PRKG1: variants seen among roughly 807,000 people sequenced by gnomAD.
PRKG1 encodes the protein cGMP-dependent protein kinase 1.
A neutral mutation model predicts 88.1 loss-of-function variants in PRKG1; 35 were observed. The observed-to-expected ratio is 0.40, with a 90% CI of 0.30 to 0.53. The LOEUF (loss-of-function observed/expected upper bound fraction) is 0.53. PRKG1 is among the 20% of genes least tolerant of loss of function. PRKG1 has a pLI of 0.59. For missense variants in PRKG1, 540 were observed against 839.8 expected (o/e 0.64, Z 4.41); for synonymous variants, 303 against 292.5 (o/e 1.04, Z -0.37).
At chr10:51,708,914 G>A (rs1171606115) in intron 3 of PRKG1, among the ~76,000 whole-genome samples, 2 of 152,042 alleles carry the variant, frequency 1.3e-5, no homozygotes, top group Non-Finnish European at 1.5e-5. Context: ...AGCCATACTG[G>A]TTACTGCTGA....
rs564334844 is a variant in PRKG1, at chr10:52,178,042, G to T, written c.1076+16079G>T. Among the ~76,000 whole-genome samples, 3 of 151,258 alleles carry T rather than the reference G, an allele frequency of 2.0e-5. No individual in the cohort carries two copies. In the South Asian group the frequency reaches 6.2e-4, roughly 31 times the overall value. ...ATTTCTTCCCTTCTACTAATTTGGG[G>T]TTTGGTTTGTTCTTGCCTTTCTAGT... On this transcript the variant is annotated intron_variant, in intron 9 of 17. Transcript: ENST00000373980.
intron 3 of PRKG1, among the ~76,000 whole-genome samples, chr10:51,710,549 C>T (rs1053898079): frequency 2.6e-5 from 4 of 152,166 alleles, no homozygotes; most frequent in Non-Finnish European, 5.9e-5. Context: ...ATGGATAGTA[C>T]ATTGTTGCCA....
At chr10:51,305,200 T>C (rs770608012) in intron 2 of PRKG1, among the ~76,000 whole-genome samples, 60 of 152,288 alleles carry the variant, frequency 3.9e-4, no homozygotes, top group Non-Finnish European at 7.8e-4. Context: ...ATGAGACTGC[T>C]ACCCTAGTTC....
intron 2 of PRKG1, among the ~76,000 whole-genome samples, chr10:51,392,111 A>T (rs1014188927): frequency 6.6e-6 from 1 of 152,104 alleles, no homozygotes; most frequent in South Asian, 2.1e-4. Flanking sequence ...CTTGGGTTCT[A>T]TGAACAGAAT....
At chr10:52,079,959 A>T (rs1589588056) in intron 7 of PRKG1, among the ~76,000 whole-genome samples, 1 of 152,254 alleles carries the variant, frequency 6.6e-6, no homozygotes, top group East Asian at 1.9e-4. Context: ...CCATAAAGAA[A>T]AGCTGTTCTG....
intron 5 of PRKG1, among the ~76,000 whole-genome samples, chr10:51,972,916 G>T (rs1843743393): frequency 6.6e-6 from 1 of 151,958 alleles, no homozygotes; most frequent in Non-Finnish European, 1.5e-5. Context: ...CAATTCCTAG[G>T]GTATCACTGA....
chr10:52,208,534 A>T (rs1839877964), intron 9 of PRKG1, among the ~76,000 whole-genome samples: 1 of 152,220 alleles, frequency 6.6e-6, no homozygotes, highest in African/African-American at 2.4e-5. Context: ...TCATCTTTAA[A>T]TCAGCATTAC....
intron 2 of PRKG1, among the ~76,000 whole-genome samples, chr10:51,203,629 G>A (rs146706266): frequency 1.2e-4 from 19 of 152,260 alleles, no homozygotes; most frequent in African/African-American, 3.9e-4. Context: ...AAAGACCTGC[G>A]CTTGAATCCT....
At chr10:51,418,938 G>A (rs1268095571) in intron 2 of PRKG1, among the ~76,000 whole-genome samples, 2 of 152,154 alleles carry the variant, frequency 1.3e-5, no homozygotes. Flanking sequence ...CACATAGCAG[G>A]AGTTGCTTTA....
In PRKG1 at chr10:51,074,917, G is replaced by A; in HGVS notation, c.311+16G>A. 1.3e-6 allele frequency: 2 copies of A among 1,580,806 alleles called. No homozygotes were observed. The highest frequency in any genetic ancestry group is 2.3e-5 in the South Asian group (2 of 87,566). On this transcript the variant is annotated intron_variant, in intron 1 of 17. Transcript: ENST00000373980. The stretch of plus-strand genomic sequence containing the variant: ...AGAGCCCACAGTAAGCAGGGGTGAC[G>A]CGCCGGGTCCATGTGGCGCCCTGGC...
chr10:51,799,562 A>G (rs913453873), intron 3 of PRKG1, among the ~76,000 whole-genome samples: 9 of 151,706 alleles, frequency 5.9e-5, no homozygotes, highest in African/African-American at 2.2e-4. Flanking sequence ...GACACTGTTG[A>G]GCTCAGTATT....
chr10:51,779,548 A>G (rs1044974318), intron 3 of PRKG1, among the ~76,000 whole-genome samples: 2 of 152,114 alleles, frequency 1.3e-5, no homozygotes, highest in African/African-American at 4.8e-5. Context: ...AAAATTTGCT[A>G]TTGAGCCAAA....
At chr10:51,910,583 T>G (rs768049566) in intron 5 of PRKG1, 1 of 152,112 alleles carries the variant, frequency 6.6e-6, no homozygotes, top group Non-Finnish European at 1.5e-5. Context: ...AGTCAAAAGT[T>G]TAGTCAAGCA....
At chr10:51,095,248 C>T (rs968031436) in intron 1 of PRKG1, among the ~76,000 whole-genome samples, 21 of 152,190 alleles carry the variant, frequency 1.4e-4, no homozygotes, top group African/African-American at 4.8e-4. Flanking sequence ...CGGGATGCTT[C>T]TAAATTATTG....
chr10:51,094,826 C>T (rs991194953), intron 1 of PRKG1, among the ~76,000 whole-genome samples: 2 of 152,080 alleles, frequency 1.3e-5, no homozygotes, highest in African/African-American at 4.8e-5. Context: ...GGTTTATAGA[C>T]CTTACAGTTT....
At chr10:51,068,950 C>G (rs1280191598) in intron 1 of PRKG1, among the ~76,000 whole-genome samples, 1 of 151,748 alleles carries the variant, frequency 6.6e-6, no homozygotes, top group Middle Eastern at 3.2e-3. Context: ...TACAAAAAAC[C>G]TAATATTTTT....
intron 3 of PRKG1, among the ~76,000 whole-genome samples, chr10:51,718,505 C>T (rs1226548208): frequency 6.6e-6 from 1 of 152,082 alleles, no homozygotes; most frequent in Non-Finnish European, 1.5e-5. Context: ...AGATTTTCTT[C>T]TAAAGGGTAG....
intron 3 of PRKG1, among the ~76,000 whole-genome samples, chr10:51,583,828 A>T (rs1297034611): frequency 6.6e-6 from 1 of 152,054 alleles, no homozygotes; most frequent in African/African-American, 2.4e-5. Flanking sequence ...TGAATGCTTC[A>T]TTTTTCTTAG....
intron 3 of PRKG1, among the ~76,000 whole-genome samples, chr10:51,521,980 G>C (rs1841748229): frequency 6.6e-6 from 1 of 152,122 alleles, no homozygotes. Context: ...ATGGGAGTCA[G>C]AAAAATCAGC....
Sources: gnomAD v4.1 joint callset for allele counts (sites outside exome capture counted in the v4.1 genomes callset) on GRCh38, gnomAD v4.1.1 for gene constraint, MANE v1.5 for transcripts, NCBI Gene and HGNC (gene_info 2026-07-23, HGNC 2026-07-21) for gene names.